The following ATP11A variants were observed in gnomAD, a reference collection of about 807,000 sequenced individuals.
ATP11A encodes the protein phospholipid-transporting ATPase IH.
A neutral mutation model predicts 154.4 loss-of-function variants in ATP11A; 81 were observed. That is an observed-to-expected ratio of 0.52 (90% confidence interval 0.44 to 0.63). ATP11A has a LOEUF of 0.63. ATP11A is among the 30% of genes least tolerant of loss of function. The probability of loss-of-function intolerance (pLI) is 0.00; values close to 1 mark genes in which losing one functional copy is unlikely to be tolerated. For synonymous variants in ATP11A, 623 were observed against 585.9 expected, an observed-to-expected ratio of 1.06 and a Z score of -0.91; for missense variants, 1,316 against 1,474.3, an observed-to-expected ratio of 0.89 and a Z score of 1.76.
Position 112,817,129 on chromosome 13 carries a change from ATTC to A in ATP11A, c.570+924_570+926del, listed in dbSNP as rs551584988. 4.7e-4 allele frequency among the ~76,000 whole-genome samples: 72 copies of A among 152,378 alleles called. 1 individual carries two copies. Among genetic ancestry groups the A allele is most frequent in the African/African-American group, 1.4e-3 (60 of 41,592 alleles). On this transcript the variant is annotated intron_variant, in intron 6 of 29. Coordinates refer to ENST00000375645, the MANE Select transcript of ATP11A (RefSeq NM_015205.3). ...AAGATATAGCACCATTAATTTTAAG[ATTC>A]TTCTTATTTAAAAAATCTTGAAGTT... is the stretch of plus-strand genomic sequence containing the variant.
intron 29 of ATP11A, among the ~76,000 whole-genome samples, chr13:112,879,820 T>G (rs2080832563): frequency 6.6e-6 from 1 of 152,264 alleles, no homozygotes; most frequent in South Asian, 2.1e-4. Flanking sequence ...GATGGCTTTC[T>G]TTTAACCTGT....
chr13:112,878,519 T>C, intron 29 of ATP11A: 1 of 602,514 alleles, frequency 1.7e-6, no homozygotes, highest in Non-Finnish European at 3.0e-6. Flanking sequence ...TTAACCAGGG[T>C]TTCTCCCTCA....
chr13:112,833,748 C>G (rs370329723), intron 14 of ATP11A, among the ~76,000 whole-genome samples: 4 of 152,214 alleles, frequency 2.6e-5, no homozygotes, highest in Admixed American at 2.0e-4. Context: ...TCGTTCCATG[C>G]GTAAACCCAC....
intron 29 of ATP11A, chr13:112,881,293 C>G: frequency 1.0e-6 from 1 of 997,196 alleles, no homozygotes; most frequent in South Asian, 4.5e-5. Flanking sequence ...AGAAGCCATG[C>G]AGGCCCCATC....
chr13:112,784,984 G>A, intron 1 of ATP11A, 151 bp from the exon 2 acceptor site: 2 of 1,050,594 alleles, frequency 1.9e-6, no homozygotes, highest in Non-Finnish European at 2.5e-6. Context: ...CTGGGGTGCT[G>A]GGCCCCAGGT....
chr13:112,854,582 A>G (rs2079870110), intron 19 of ATP11A, 52 bp downstream of exon 19: 1 of 1,567,880 alleles, frequency 6.4e-7, no homozygotes, highest in Non-Finnish European at 8.6e-7. Context: ...AAGGGGCTTC[A>G]GACCCAGTGG....
intron 19 of ATP11A, among the ~76,000 whole-genome samples, chr13:112,855,219 G>C (rs989850189): frequency 6.6e-6 from 1 of 151,902 alleles, no homozygotes; most frequent in South Asian, 2.1e-4. Context: ...TTTGTTTTTT[G>C]TTTTTGAGAT....
chr13:112,722,473 T>G (rs1187153682), intron 1 of ATP11A, among the ~76,000 whole-genome samples: 1 of 152,062 alleles, frequency 6.6e-6, no homozygotes, highest in Non-Finnish European at 1.5e-5. Context: ...TCAGGGAGAA[T>G]GAATAGATTG....
intron 1 of ATP11A, among the ~76,000 whole-genome samples, chr13:112,703,664 G>C (rs1281832839): frequency 2.0e-5 from 3 of 152,138 alleles, no homozygotes; most frequent in Non-Finnish European, 1.5e-5. Context: ...ACCCTTCTTA[G>C]ATGTAACAGA....
Position 112,856,013 on chromosome 13 carries a change from G to C in ATP11A, c.2346G>C (p.Glu782Asp). 6.2e-7 allele frequency: 1 copy of C among 1,614,226 alleles called. No homozygotes were observed. The highest frequency in any genetic ancestry group is 8.5e-7 in the Non-Finnish European group (1 of 1,180,036). Residue 782 changes from glutamate to aspartate, a missense_variant, in exon 20 of 30, where the codon GAG (glutamate) becomes GAC (aspartate). By Grantham distance (45) the Glu-to-Asp change is conservative. Transcript: ENST00000375645. ...ACGGGAGTTCCGGCAACTACAGGGA[G>C]CTCTTCCTGGAAATCTGCCGGAGCT... Reference protein sequence around the residue: ...REDGSSGNYRELFLEICRSCS... With the variant: ...REDGSSGNYRDLFLEICRSCS...
chr13:112,760,687 T>C (rs1448876618), intron 1 of ATP11A, among the ~76,000 whole-genome samples: 2 of 152,234 alleles, frequency 1.3e-5, no homozygotes, highest in East Asian at 3.8e-4. Context: ...TTTGCGTAAA[T>C]ATAATTACAC....
At chr13:112,761,751 G>A (rs903788902) in intron 1 of ATP11A, among the ~76,000 whole-genome samples, 1 of 152,198 alleles carries the variant, frequency 6.6e-6, no homozygotes, top group Non-Finnish European at 1.5e-5. Flanking sequence ...GGATAAGGGG[G>A]TTGCTGCACC....
rs568636969 is a variant in ATP11A at position 112,713,530 on chromosome 13, A to G, written c.39+23075A>G. On this transcript the variant is annotated intron_variant, in intron 1 of 29. Transcript: ENST00000375645. The stretch of plus-strand genomic sequence containing the variant: ...ACAAGTATAAATAAAAAAATTGTGC[A>G]CTGCATAAGTGACAGATAGTTTTGT... 1.5e-3 allele frequency among the ~76,000 whole-genome samples: 229 copies of G among 152,354 alleles called. 2 individuals carry two copies. Among genetic ancestry groups the G allele is most frequent in the African/African-American group, 5.2e-3 (217 of 41,584 alleles).
chr13:112,783,865 T>G (rs1254276977), intron 1 of ATP11A, among the ~76,000 whole-genome samples: 1 of 152,232 alleles, frequency 6.6e-6, no homozygotes, highest in Non-Finnish European at 1.5e-5. Context: ...AGCTGTTTCC[T>G]TAACTCCTCC....
At position 112,871,864 on chromosome 13, in the gene ATP11A, C is replaced by T. The variant is rs999348462; in HGVS notation, c.3057+64C>T. On this transcript the variant is annotated intron_variant, in intron 26 of 29. Coordinates refer to ENST00000375645, the MANE Select transcript of ATP11A (RefSeq NM_015205.3). ...GTGAACCCCTGCAGTGTAGGCCTCACGCGCTCTGAGCTCTCTGAATTATAA... is the reference window on the plus strand; with the variant it reads ...GTGAACCCCTGCAGTGTAGGCCTCATGCGCTCTGAGCTCTCTGAATTATAA... The T allele has an allele frequency of 1.5e-5, 22 of 1,480,310 alleles. No individual in the cohort carries two copies. The Admixed American group carries it at 1.8e-4, about 12-fold the overall frequency. 91.7% of individuals were successfully genotyped at this position (1,480,310 alleles called of 1,614,324 possible). A position where few individuals can be genotyped will look rare whatever the true frequency, so the allele number is the denominator to read the frequency against.
At chr13:112,814,907 A>G (rs2078600544) in intron 5 of ATP11A, among the ~76,000 whole-genome samples, 1 of 152,230 alleles carries the variant, frequency 6.6e-6, no homozygotes, top group South Asian at 2.1e-4. Flanking sequence ...TGGGATTTTG[A>G]TAGGGATTTT....
chr13:112,883,138 T>C lies in ATP11A; in HGVS notation c.*1272T>C, dbSNP rs1278770. Reference sequence around the variant, plus strand: ...CCCTCGTCTCCTCATCCCCACGTCCTCTCGTCCCCTTGTCCCGTCCCCACA... The same window carrying C: ...CCCTCGTCTCCTCATCCCCACGTCCCCTCGTCCCCTTGTCCCGTCCCCACA... On this transcript the variant is annotated 3_prime_UTR_variant, in exon 30 of 30. Coordinates refer to ENST00000375645, the MANE Select transcript of ATP11A (RefSeq NM_015205.3). 0.055 allele frequency: 21,017 copies of C among 381,014 alleles called. 1,174 individuals carry two copies. The highest frequency in any genetic ancestry group is 0.19 in the African/African-American group (8,457 of 44,522). 23.6% of individuals were successfully genotyped at this position (381,014 alleles called of 1,614,324 possible). A position where few individuals can be genotyped will look rare whatever the true frequency, so the allele number is the denominator to read the frequency against.
intron 1 of ATP11A, among the ~76,000 whole-genome samples, chr13:112,713,035 C>T (rs763245416): frequency 6.6e-6 from 1 of 152,196 alleles, no homozygotes; most frequent in Non-Finnish European, 1.5e-5. Context: ...AGAGCACGCT[C>T]GACTGTATTT....
chr13:112,709,543 A>G (rs563805279), intron 1 of ATP11A, among the ~76,000 whole-genome samples: 29 of 152,342 alleles, frequency 1.9e-4, no homozygotes, highest in Middle Eastern at 3.4e-3. Context: ...CCTCTGCACA[A>G]TAAAACTTGG....
Sources: allele counts gnomAD v4.1 joint callset (sites outside exome capture counted in the v4.1 genomes callset), GRCh38; gene constraint gnomAD v4.1.1; transcripts MANE v1.5; gene names NCBI Gene and HGNC (gene_info 2026-07-23, HGNC 2026-07-21).